The following CNTN3 variants were observed in gnomAD, a reference collection of about 807,000 sequenced individuals.
The protein encoded by CNTN3 is contactin 3.
In CNTN3, 60 loss-of-function variants were observed where a neutral mutation model predicts 119.1. The ratio of observed to expected loss-of-function variants is 0.50; its 90% confidence interval spans 0.41 to 0.62. CNTN3 has a LOEUF of 0.62. Among genes scored for constraint, CNTN3 ranks in the 20% least tolerant of loss-of-function variants. The probability of loss-of-function intolerance (pLI) is 0.00; values close to 1 mark genes in which losing one functional copy is unlikely to be tolerated. For synonymous variants in CNTN3, 450 were observed against 438.7 expected, an observed-to-expected ratio of 1.03 and a Z score of -0.32; for missense variants, 1,101 against 1,242.4, an observed-to-expected ratio of 0.89 and a Z score of 1.71.
At chr3:74,303,963 A>G (rs1340912062) in intron 13 of CNTN3, among the ~76,000 whole-genome samples, 1 of 152,222 alleles carries the variant, frequency 6.6e-6, no homozygotes, top group Non-Finnish European at 1.5e-5. Context: ...ACTGGTAAAG[A>G]GAAAGAAGCA....
At chr3:74,517,245 T>G (rs906407914) in intron 2 of CNTN3, among the ~76,000 whole-genome samples, 28 of 151,940 alleles carry the variant, frequency 1.8e-4, no homozygotes, top group African/African-American at 6.8e-4. Flanking sequence ...GGCCTTTAAC[T>G]TCTGCTTTTC....
intron 1 of CNTN3, among the ~76,000 whole-genome samples, chr3:74,578,181 TTAAA>T (rs148907634): frequency 0.019 from 2,921 of 152,046 alleles, 35 homozygotes; most frequent in Middle Eastern, 0.058. Context: ...GGTAAGACAA[TTAAA>T]TAACCCCTCA....
intron 13 of CNTN3, 68 bp downstream of exon 13, chr3:74,334,667 A>G: frequency 1.4e-6 from 2 of 1,392,770 alleles, no homozygotes; most frequent in Non-Finnish European, 2.0e-6. Flanking sequence ...TATGTCAGAC[A>G]GTTTTCAGAA....
intron 1 of CNTN3, among the ~76,000 whole-genome samples, chr3:74,545,777 C>T (rs1703905761): frequency 6.6e-6 from 1 of 151,816 alleles, no homozygotes; most frequent in Admixed American, 6.6e-5. Context: ...TATTACCAAC[C>T]CCCACCCCCA....
chr3:74,438,109 T>C (rs764709339), intron 4 of CNTN3, among the ~76,000 whole-genome samples: 6 of 152,180 alleles, frequency 3.9e-5, no homozygotes, highest in Admixed American at 6.6e-5. Context: ...TAAAATGACA[T>C]TATTCTGAAT....
intron 2 of CNTN3, among the ~76,000 whole-genome samples, chr3:74,500,641 A>G (rs1703151268): frequency 6.6e-6 from 1 of 152,088 alleles, no homozygotes; most frequent in Non-Finnish European, 1.5e-5. Flanking sequence ...TCAGACAAAG[A>G]AAACGAGATC....
At chr3:74,477,689 G>C (rs1475465264) in intron 4 of CNTN3, among the ~76,000 whole-genome samples, 1 of 152,046 alleles carries the variant, frequency 6.6e-6, no homozygotes, top group Non-Finnish European at 1.5e-5. Context: ...ATAACTGAGA[G>C]TGTAATTGGA....
intron 13 of CNTN3, among the ~76,000 whole-genome samples, chr3:74,330,888 C>A (rs1703248712): frequency 6.6e-6 from 1 of 151,840 alleles, no homozygotes; most frequent in African/African-American, 2.4e-5. Flanking sequence ...TCCTTATTGA[C>A]TAAGGATATA....
intron 5 of CNTN3, among the ~76,000 whole-genome samples, chr3:74,392,740 G>A (rs1392514184): frequency 6.6e-6 from 1 of 152,112 alleles, no homozygotes; most frequent in Non-Finnish European, 1.5e-5. Flanking sequence ...AGTATTAAAA[G>A]ATTGATGCAA....
chr3:74,288,828 A>G (rs1399600084), intron 19 of CNTN3, among the ~76,000 whole-genome samples: 1 of 152,160 alleles, frequency 6.6e-6, no homozygotes. Flanking sequence ...TCATGTCTGT[A>G]TCTCTTGTTC....
Position 74,362,035 on chromosome 3 carries a change from C to G in CNTN3, c.1219G>C (p.Ala407Pro). The G allele has an allele frequency of 6.2e-7, 1 of 1,612,846 alleles. No individual in the cohort carries two copies. Among genetic ancestry groups the G allele is most frequent in the Non-Finnish European group, 8.5e-7 (1 of 1,179,268 alleles). ...SSAELKVVAS[A>P]PDFSKNPMKK... ...ATTGGATTCTTTGAAAAATCTGGAG[C>G]AGAAGCTGAAAGGCAAGAAAGGAGA... Residue 407 changes from alanine to proline, a missense_variant, in exon 11 of 23, where the codon GCT (alanine) becomes CCT (proline). Physicochemically the swap from Ala to Pro is conservative, Grantham distance 27 (BLOSUM62 -1). Coordinates refer to ENST00000263665, the MANE Select transcript of CNTN3 (RefSeq NM_020872.3).
At position 74,445,590 on chromosome 3, in the gene CNTN3, A is replaced by T. The variant is rs146451634; in HGVS notation, c.359-20650T>A. Among the ~76,000 whole-genome samples the T allele has an allele frequency of 3.8e-3, 584 of 152,320 alleles. 1 individual carries two copies. Among genetic ancestry groups the T allele is most frequent in the Middle Eastern group, 0.024 (7 of 294 alleles). ...GAAATTAAGTAGAAATGCTTTAATA[A>T]GATATTTATTTAACTATGACAGTAA... is the stretch of plus-strand genomic sequence containing the variant. On this transcript the variant is annotated intron_variant, in intron 4 of 22. Coordinates refer to ENST00000263665, the MANE Select transcript of CNTN3 (RefSeq NM_020872.3).
chr3:74,457,166 C>T (rs1215997163), intron 4 of CNTN3, among the ~76,000 whole-genome samples: 1 of 151,730 alleles, frequency 6.6e-6, no homozygotes, highest in East Asian at 1.9e-4. Flanking sequence ...CTTTGATAAA[C>T]AAGATTATAA....
chr3:74,407,264 A>ATTTT (rs753215277), intron 5 of CNTN3, among the ~76,000 whole-genome samples: 2,223 of 105,490 alleles, frequency 0.021, 121 homozygotes, highest in East Asian at 0.046. Flanking sequence ...CAAATATTCT[A>ATTTT]TTTTTTTTTT....
At chr3:74,516,818 A>ATCTC (rs1703458514) in intron 2 of CNTN3, among the ~76,000 whole-genome samples, 1 of 151,928 alleles carries the variant, frequency 6.6e-6, no homozygotes, top group Admixed American at 6.6e-5. Flanking sequence ...AATAGCTTAA[A>ATCTC]ACAATATCCA....
At chr3:74,324,784 C>T (rs1387213079) in intron 13 of CNTN3, among the ~76,000 whole-genome samples, 1 of 151,616 alleles carries the variant, frequency 6.6e-6, no homozygotes, top group Admixed American at 6.6e-5. Flanking sequence ...TGTTTGATTA[C>T]TCAAAAATGA....
At chr3:74,591,921 G>A (rs1197193993) in intron 1 of CNTN3, among the ~76,000 whole-genome samples, 1 of 151,864 alleles carries the variant, frequency 6.6e-6, no homozygotes, top group Non-Finnish European at 1.5e-5. Flanking sequence ...GAGATGTAGA[G>A]AGGATGGGCT....
At chr3:74,337,320 A>T (rs1703421025) in intron 11 of CNTN3, among the ~76,000 whole-genome samples, 1 of 152,082 alleles carries the variant, frequency 6.6e-6, no homozygotes, top group Non-Finnish European at 1.5e-5. Flanking sequence ...TACACTTAGC[A>T]CTATAAGAGA....
At chr3:74,466,582 G>T (rs555703419) in intron 4 of CNTN3, among the ~76,000 whole-genome samples, 1 of 152,256 alleles carries the variant, frequency 6.6e-6, no homozygotes, top group South Asian at 2.1e-4. Flanking sequence ...TTAAGGCCGA[G>T]ATGAGTTGTC....
Sources: gnomAD v4.1 joint callset for allele counts (sites outside exome capture counted in the v4.1 genomes callset) on GRCh38, gnomAD v4.1.1 for gene constraint, MANE v1.5 for transcripts, NCBI Gene and HGNC (gene_info 2026-07-23, HGNC 2026-07-21) for gene names.